Variants in SNX9 observed in about 807,000 individuals in gnomAD.
SNX9 encodes the protein sorting nexin-9.
SNX9 carries 44 observed loss-of-function variants against 89.4 expected under a neutral mutation model. That is an observed-to-expected ratio of 0.49 (90% confidence interval 0.39 to 0.63). The LOEUF (loss-of-function observed/expected upper bound fraction) is 0.63, where lower values mean the gene tolerates loss of function less well. Among genes scored for constraint, SNX9 ranks in the 30% least tolerant of loss-of-function variants. The pLI, the probability that SNX9 is intolerant of heterozygous loss-of-function variation, is 0.00. For synonymous variants in SNX9, 236 were observed against 247.8 expected (o/e 0.95, Z 0.45); for missense variants, 578 against 736.1 (o/e 0.79, Z 2.49).
At chr6:157,834,293 G>C (rs1313181855) in intron 1 of SNX9, among the ~76,000 whole-genome samples, 1 of 148,112 alleles carries the variant, frequency 6.8e-6, no homozygotes, top group African/African-American at 2.5e-5. Flanking sequence ...TCAACATCCT[G>C]AGTAAGCTGA....
At chr6:157,929,907 A>G (rs1433169869) in intron 12 of SNX9, among the ~76,000 whole-genome samples, 1 of 152,242 alleles carries the variant, frequency 6.6e-6, no homozygotes, top group Non-Finnish European at 1.5e-5. Context: ...TCAGTAAACC[A>G]TGGTCCGAGC....
rs1346804046 is a variant in SNX9, at chr6:157,905,785, G to A, written c.621-343G>A. Among the ~76,000 whole-genome samples the A allele has an allele frequency of 4.6e-5, 7 of 152,156 alleles. 1 individual carries two copies. The South Asian group carries it at 6.2e-4, about 14-fold the overall frequency. ...CCCCCTGTGGCCAACTCAGATTGGC[G>A]TGCTCACTACTCACTGCCCCAGGGA... On this transcript the variant is annotated intron_variant, in intron 6 of 17. Coordinates refer to ENST00000392185, the MANE Select transcript of SNX9 (RefSeq NM_016224.5).
chr6:157,861,433 G>A (rs1013699178), intron 1 of SNX9, among the ~76,000 whole-genome samples: 1 of 152,224 alleles, frequency 6.6e-6, no homozygotes, highest in African/African-American at 2.4e-5. Context: ...ACTGTAGAAA[G>A]CGTGCTCATC....
At chr6:157,848,015 CACCT>C (rs2115118754) in intron 1 of SNX9, among the ~76,000 whole-genome samples, 1 of 152,268 alleles carries the variant, frequency 6.6e-6, no homozygotes, top group African/African-American at 2.4e-5. Flanking sequence ...GACCCCTCCT[CACCT>C]GCCTGCTGTA....
At position 157,926,780 on chromosome 6, in the gene SNX9, C is replaced by CAAA. The variant is rs71027371; in HGVS notation, c.1081-309_1081-307dup. On this transcript the variant is annotated intron_variant, in intron 10 of 17. Coordinates refer to ENST00000392185, the MANE Select transcript of SNX9 (RefSeq NM_016224.5). Reference sequence around the variant, plus strand: ...TAGAAGGCAAAGTGAGACTCTGTCTCAAAAAAAAAAAAAAAAAAAAAAAAG... The same window carrying CAAA: ...TAGAAGGCAAAGTGAGACTCTGTCTCAAAAAAAAAAAAAAAAAAAAAAAAAAAG... Among the ~76,000 whole-genome samples, 309 of 60,712 alleles carry CAAA rather than the reference C, an allele frequency of 5.1e-3. 5 individuals carry two copies. Among genetic ancestry groups the CAAA allele is most frequent in the African/African-American group, 0.017 (267 of 15,676 alleles). The allele number at this position is 60,712 out of a possible 152,430, so 39.8% of individuals were successfully genotyped here. A position where few individuals can be genotyped will look rare whatever the true frequency, so the allele number is the denominator to read the frequency against.
chr6:157,840,429 TTTTCTTTCC>T (rs927969227), intron 1 of SNX9, among the ~76,000 whole-genome samples: 29 of 113,152 alleles, frequency 2.6e-4, no homozygotes, highest in Admixed American at 1.4e-3. Flanking sequence ...CTTTTCTTTC[TTTTCTTTCC>T]TTTCTTTCCT....
At chr6:157,889,212 C>T (rs1020904999) in intron 4 of SNX9, among the ~76,000 whole-genome samples, 6 of 152,052 alleles carry the variant, frequency 3.9e-5, no homozygotes, top group African/African-American at 1.4e-4. Context: ...AGGCAGATTA[C>T]CTGAGGTCAG....
chr6:157,889,341 G>T (rs1343518877), intron 4 of SNX9, among the ~76,000 whole-genome samples: 2 of 147,836 alleles, frequency 1.4e-5, no homozygotes, highest in African/African-American at 5.0e-5. Flanking sequence ...TGAGGCAGGA[G>T]AATTGCTTAA....
intron 1 of SNX9, among the ~76,000 whole-genome samples, chr6:157,825,638 A>G (rs570980853): frequency 6.6e-6 from 1 of 152,296 alleles, no homozygotes; most frequent in Non-Finnish European, 1.5e-5. Context: ...CATGGTGCTC[A>G]TTTCCATGTT....
chr6:157,839,398 G>T (rs1781649296), intron 1 of SNX9, among the ~76,000 whole-genome samples: 1 of 152,128 alleles, frequency 6.6e-6, no homozygotes, highest in Non-Finnish European at 1.5e-5. Flanking sequence ...ACCTGATTAT[G>T]AAGCATATGT....
chr6:157,926,684 G>A (rs966604585), intron 10 of SNX9, among the ~76,000 whole-genome samples: 1 of 151,444 alleles, frequency 6.6e-6, no homozygotes, highest in African/African-American at 2.4e-5. Flanking sequence ...TGGGGGCTGA[G>A]GTGGGAAGAT....
chr6:157,877,574 C>G (rs147880772), intron 4 of SNX9, among the ~76,000 whole-genome samples: 109 of 152,278 alleles, frequency 7.2e-4, no homozygotes, highest in African/African-American at 2.4e-3. Context: ...AAACATTTTC[C>G]TATCAGGTTT....
At chr6:157,827,862 CTT>C (rs67464115) in intron 1 of SNX9, among the ~76,000 whole-genome samples, 60 of 133,798 alleles carry the variant, frequency 4.5e-4, no homozygotes, top group Non-Finnish European at 5.6e-4. Flanking sequence ...GTTCCTGATG[CTT>C]TTTTTTTTTT....
intron 1 of SNX9, among the ~76,000 whole-genome samples, chr6:157,864,479 A>G (rs527253748): frequency 7.7e-4 from 118 of 152,288 alleles, no homozygotes; most frequent in Non-Finnish European, 1.4e-3. Flanking sequence ...CTGCTTCACT[A>G]CATTCTAAGT....
At chr6:157,928,771 C>G (rs1783748211) in intron 12 of SNX9, 69 bp downstream of exon 12, 7 of 1,209,976 alleles carry the variant, frequency 5.8e-6, no homozygotes, top group Admixed American at 6.0e-5. Flanking sequence ...TGTCCCTTAT[C>G]ATAGAGGGGA....
chr6:157,914,436 C>T (rs571372748), intron 9 of SNX9, among the ~76,000 whole-genome samples: 18 of 147,516 alleles, frequency 1.2e-4, no homozygotes, highest in African/African-American at 3.8e-4. Flanking sequence ...AATAACTTGT[C>T]GCAGCTGTGG....
At chr6:157,889,580 G>A (rs1225649705) in intron 4 of SNX9, among the ~76,000 whole-genome samples, 1 of 152,172 alleles carries the variant, frequency 6.6e-6, no homozygotes, top group Non-Finnish European at 1.5e-5. Flanking sequence ...CCAAGAATTA[G>A]GAGTTGCTGT....
intron 7 of SNX9, among the ~76,000 whole-genome samples, 199 bp from the exon 8 acceptor site, chr6:157,909,463 GGTT>G (rs1783288694): frequency 6.6e-6 from 1 of 152,130 alleles, no homozygotes; most frequent in Non-Finnish European, 1.5e-5. Flanking sequence ...GGAGCAGAAG[GGTT>G]TCCCACAGGT....
intron 4 of SNX9, among the ~76,000 whole-genome samples, chr6:157,889,651 C>T (rs568646863): frequency 6.6e-6 from 1 of 152,240 alleles, no homozygotes; most frequent in African/African-American, 2.4e-5. Flanking sequence ...CTGAAGGTAA[C>T]AGAACGTTGG....
Sources: gnomAD v4.1 joint callset for allele counts (sites outside exome capture counted in the v4.1 genomes callset) on GRCh38, gnomAD v4.1.1 for gene constraint, MANE v1.5 for transcripts, NCBI Gene and HGNC (gene_info 2026-07-23, HGNC 2026-07-21) for gene names.